The following MAN1B1 variants were observed in gnomAD, a reference collection of about 807,000 sequenced individuals.
MAN1B1 encodes endoplasmic reticulum mannosyl-oligosaccharide 1,2-alpha-mannosidase.
A neutral mutation model predicts 75.5 loss-of-function variants in MAN1B1; 66 were observed. That is an observed-to-expected ratio of 0.87 (90% CI 0.72 to 1.07). MAN1B1 has a LOEUF of 1.07. MAN1B1 is among the 50% of genes least tolerant of loss of function. MAN1B1 has a pLI of 0.00. For missense variants in MAN1B1, 973 were observed against 912.5 expected (o/e 1.07, Z -0.85); for synonymous variants, 453 against 382.8 (o/e 1.18, Z -2.14).
At chr9:137,090,822 C>G (rs576117236) in intron 3 of MAN1B1, among the ~76,000 whole-genome samples, 189 of 152,294 alleles carry the variant, frequency 1.2e-3, no homozygotes, top group African/African-American at 4.5e-3. Context: ...CAGACATGAG[C>G]CACCATGCCC....
At chr9:137,100,270 G>A (rs751121291) in intron 6 of MAN1B1, among the ~76,000 whole-genome samples, 22 of 152,160 alleles carry the variant, frequency 1.4e-4, no homozygotes, top group South Asian at 4.1e-4. Flanking sequence ...ATGTGTCTTC[G>A]GTTATTTAAG....
intron 4 of MAN1B1, among the ~76,000 whole-genome samples, chr9:137,097,165 C>T (rs1447675523): frequency 6.6e-6 from 1 of 152,216 alleles, no homozygotes; most frequent in Non-Finnish European, 1.5e-5. Flanking sequence ...GGCATGAATG[C>T]AAGGACGCTT....
At chr9:137,098,291 G>A (rs905120716) in intron 5 of MAN1B1, among the ~76,000 whole-genome samples, 2 of 152,254 alleles carry the variant, frequency 1.3e-5, no homozygotes, top group African/African-American at 4.8e-5. Flanking sequence ...AGCACCGTTT[G>A]TTGGGGGCCT....
chr9:137,087,320 C>CA (rs1022219306), intron 1 of MAN1B1, 102 bp downstream of exon 1: 1 of 1,308,428 alleles, frequency 7.6e-7, no homozygotes, highest in African/African-American at 1.5e-5. Context: ...CTCGACTCCC[C>CA]AGGCGCCGCC....
intron 3 of MAN1B1, among the ~76,000 whole-genome samples, chr9:137,090,093 T>C (rs1415987169): frequency 6.6e-6 from 1 of 151,852 alleles, no homozygotes; most frequent in African/African-American, 2.4e-5. Flanking sequence ...AGACTGGGGA[T>C]GGGTCAGGAG....
intron 8 of MAN1B1, chr9:137,103,047 C>T: frequency 2.3e-6 from 1 of 426,134 alleles, no homozygotes; most frequent in Admixed American, 2.7e-5. Context: ...CACACTGTTG[C>T]AGGCGTGCAG....
rs756803212 is a variant in MAN1B1 at position 137,101,489 on chromosome 9, T to C, written c.1071T>C (p.Asp357=). The C allele has an allele frequency of 4.1e-5, 66 of 1,613,552 alleles. No homozygotes were observed. The highest frequency in any genetic ancestry group is 5.4e-5 in the Non-Finnish European group (64 of 1,179,972). Residue 357 remains aspartate (D), a synonymous_variant, in exon 8 of 13, where the codon GAT becomes GAC. Coordinates refer to ENST00000371589, the MANE Select transcript of MAN1B1 (RefSeq NM_016219.5). ...GDSLFLRKAE[D]FGNRLMPAFR... ...CTACTCTGCTCATATACCAGGAGGA[T>C]TTTGGAAATCGGCTAATGCCTGCCT...
intron 3 of MAN1B1, among the ~76,000 whole-genome samples, chr9:137,093,146 G>A (rs1830559159): frequency 6.6e-6 from 1 of 152,176 alleles, no homozygotes; most frequent in Non-Finnish European, 1.5e-5. Flanking sequence ...CAGCACTTTG[G>A]GAGGCCGAGG....
chr9:137,100,922 A>C (rs969952499), intron 6 of MAN1B1, 83 bp from the exon 7 acceptor site: 1 of 1,538,288 alleles, frequency 6.5e-7, no homozygotes, highest in Non-Finnish European at 9.0e-7. Flanking sequence ...GCCCAGCCAA[A>C]TGTATTTTGA....
At chr9:137,091,821 C>G (rs150679787) in intron 3 of MAN1B1, among the ~76,000 whole-genome samples, 1 of 152,078 alleles carries the variant, frequency 6.6e-6, no homozygotes, top group Non-Finnish European at 1.5e-5. Flanking sequence ...CCACCACGCC[C>G]GGCCTTAAAA....
chr9:137,098,098 TTGG>T (rs1830707041), intron 5 of MAN1B1, among the ~76,000 whole-genome samples, 161 bp downstream of exon 5: 1 of 152,204 alleles, frequency 6.6e-6, no homozygotes, highest in South Asian at 2.1e-4. Context: ...CTCTGCAACC[TTGG>T]TGACACCATG....
chr9:137,098,435 C>T (rs1406003676), intron 5 of MAN1B1, among the ~76,000 whole-genome samples: 3 of 152,248 alleles, frequency 2.0e-5, no homozygotes, highest in Non-Finnish European at 2.9e-5. Flanking sequence ...ACAGCCACCC[C>T]CAGAGTCGTT....
At chr9:137,093,031 T>C (rs908037811) in intron 3 of MAN1B1, among the ~76,000 whole-genome samples, 3 of 152,212 alleles carry the variant, frequency 2.0e-5, no homozygotes, top group African/African-American at 7.2e-5. Context: ...TCATCCGGCT[T>C]AGAAATTAGT....
chr9:137,089,423 A>C (rs576563122), intron 3 of MAN1B1: 248 of 281,296 alleles, frequency 8.8e-4, no homozygotes, highest in Non-Finnish European at 1.1e-3. Context: ...ACTGAGGGCA[A>C]GATCTGAGGG....
Position 137,101,124 on chromosome 9 carries a change from T to A in MAN1B1, c.1036T>A (p.Ser346Thr), listed in dbSNP as rs370159761. 5.0e-6 allele frequency: 8 copies of A among 1,613,922 alleles called. No individual in the cohort carries two copies. The highest frequency in any genetic ancestry group is 6.8e-6 in the Non-Finnish European group (8 of 1,180,028). The stretch of plus-strand genomic sequence containing the variant: ...GGGGCTCCTGAGTGCCTACCACCTG[T>A]CTGGGGACAGCCTCTTCCTGAGGAA... The part of the protein sequence containing the change: ...LGGLLSAYHL[S>T]GDSLFLRKAE... The change falls in exon 7 of 13, where the codon TCT becomes ACT. Residue 346 changes from serine to threonine, a missense_variant. Physicochemically the swap from Ser to Thr is moderately conservative, Grantham distance 58. Coordinates refer to ENST00000371589, the MANE Select transcript of MAN1B1 (RefSeq NM_016219.5).
At chr9:137,104,513 G>A (rs1264640555) in intron 8 of MAN1B1, 9 of 190,686 alleles carry the variant, frequency 4.7e-5, no homozygotes, top group African/African-American at 9.3e-5. Context: ...GATGACAGGC[G>A]TGAGCTACCA....
At position 137,109,139 on chromosome 9, in the gene MAN1B1, G is replaced by A. The variant is rs1172513948; in HGVS notation, c.*548G>A. ...TCCGTCTAGCTCACGGGCCCCTCCA[G>A]TGGAATGGGTCTTTTCGGTGGAGAT... On this transcript the variant is annotated 3_prime_UTR_variant, in exon 13 of 13. Transcript: ENST00000371589. 4.4e-6 allele frequency: 2 copies of A among 454,722 alleles called. No individual in the cohort carries two copies. The highest frequency in any genetic ancestry group is 4.0e-5 in the African/African-American group (2 of 50,030). 28.2% of individuals were successfully genotyped at this position (454,722 alleles called of 1,614,324 possible).
intron 10 of MAN1B1, 83 bp downstream of exon 10, chr9:137,106,892 C>CAAT (rs397814053): frequency 4.5e-5 from 71 of 1,572,856 alleles, no homozygotes; most frequent in African/African-American, 2.3e-4. Context: ...TCAAAAAGAA[C>CAAT]GAAATCCTGG....
In MAN1B1 at chr9:137,108,802, G is replaced by A. The variant is rs974578586; in HGVS notation, c.*211G>A. On this transcript the variant is annotated 3_prime_UTR_variant, in exon 13 of 13. Transcript: ENST00000371589. ...GGTGTGATGCGGGGTGGGCTGGGCC[G>A]CTGGAGCCTCCGCCTGCTTCCTCCA... is the stretch of plus-strand genomic sequence containing the variant. The A allele has an allele frequency of 1.4e-5, 10 of 692,130 alleles. No homozygotes were observed. The highest frequency in any genetic ancestry group is 8.8e-5 in the African/African-American group (5 of 56,978). 42.9% of individuals were successfully genotyped at this position (692,130 alleles called of 1,614,324 possible).
Sources: gnomAD v4.1 joint callset for allele counts (sites outside exome capture counted in the v4.1 genomes callset) on GRCh38, gnomAD v4.1.1 for gene constraint, MANE v1.5 for transcripts, NCBI Gene and HGNC (gene_info 2026-07-23, HGNC 2026-07-21) for gene names.